SPOCK3: variants seen among roughly 807,000 people sequenced by gnomAD.
SPOCK3 encodes the protein SPARC (osteonectin), cwcv and kazal like domains proteoglycan 3, also known as testican-3.
A neutral mutation model predicts 56.6 loss-of-function variants in SPOCK3; 30 were observed. The ratio of observed to expected loss-of-function variants is 0.53; its 90% CI spans 0.40 to 0.72. The LOEUF (loss-of-function observed/expected upper bound fraction) is 0.72, where lower values mean the gene tolerates loss of function less well. SPOCK3 is among the 30% of genes least tolerant of loss of function. SPOCK3 has a pLI of 0.00. For synonymous variants in SPOCK3, 196 were observed against 183.3 expected (o/e 1.07, Z -0.56); for missense variants, 527 against 530.0 (o/e 0.99, Z 0.06).
In SPOCK3 at chr4:166,733,503, G is replaced by T. The variant is rs1733941907; in HGVS notation, c.*1418C>A. On this transcript the variant is annotated 3_prime_UTR_variant, in exon 11 of 11. Coordinates refer to ENST00000357545, the MANE Select transcript of SPOCK3 (RefSeq NM_001040159.2). ...GTATTGAGTGTGTATAAATTAAATGGAAATAATTAATCAATTTTGCTTTCA... is the reference window on the plus strand; with the variant it reads ...GTATTGAGTGTGTATAAATTAAATGTAAATAATTAATCAATTTTGCTTTCA... The T allele has an allele frequency of 6.6e-6, 1 of 151,766 alleles. No homozygotes were observed. Among genetic ancestry groups the T allele is most frequent in the African/African-American group, 2.4e-5 (1 of 41,402 alleles). 9.4% of individuals were successfully genotyped at this position (151,766 alleles called of 1,614,324 possible).
intron 8 of SPOCK3, among the ~76,000 whole-genome samples, chr4:166,753,319 C>G (rs780010228): frequency 1.3e-5 from 2 of 152,006 alleles, no homozygotes; most frequent in Non-Finnish European, 2.9e-5. Context: ...TAAATGCACA[C>G]TTGTCATTAA....
chr4:167,165,112 A>G (rs1439732055), intron 2 of SPOCK3, among the ~76,000 whole-genome samples: 2 of 152,134 alleles, frequency 1.3e-5, no homozygotes, highest in Admixed American at 1.3e-4. Context: ...TTGTTTTCTG[A>G]CTTTTTCCTA....
rs866018352 is a variant in SPOCK3 at position 166,752,192 on chromosome 4, T to G, written c.931+2316A>C. ...GGCATGTACCACCAATCCTGGCTAA[T>G]TTTTGTGTTTTTTGTAGAGACAGGA... On this transcript the variant is annotated intron_variant, in intron 8 of 10. Coordinates refer to ENST00000357545, the MANE Select transcript of SPOCK3 (RefSeq NM_001040159.2). Among the ~76,000 whole-genome samples, 50 of 152,002 alleles carry G rather than the reference T, an allele frequency of 3.3e-4. No individual in the cohort carries two copies. The Middle Eastern group carries it at 0.014, about 41-fold the overall frequency.
chr4:166,999,439 A>C (rs952658737), intron 4 of SPOCK3, among the ~76,000 whole-genome samples: 8 of 152,112 alleles, frequency 5.3e-5, no homozygotes, highest in Non-Finnish European at 1.2e-4. Context: ...TTCCAATGTT[A>C]TTATTCTTAT....
rs893399163 is a variant in SPOCK3, at chr4:166,851,108, C to A, written c.589+38022G>T. Among the ~76,000 whole-genome samples the A allele has an allele frequency of 6.6e-5, 10 of 152,154 alleles. 1 individual carries two copies. The East Asian group carries it at 1.2e-3, about 18-fold the overall frequency. ...AGAGAGCAGTGGTTCTCCCAGCACG[C>A]AGCTGGAGATCTGAGAACTGGCAGA... is the stretch of plus-strand genomic sequence containing the variant. On this transcript the variant is annotated intron_variant, in intron 6 of 10. Coordinates refer to ENST00000357545, the MANE Select transcript of SPOCK3 (RefSeq NM_001040159.2).
At chr4:167,074,399 T>G (rs1350678112) in intron 2 of SPOCK3, among the ~76,000 whole-genome samples, 1 of 151,896 alleles carries the variant, frequency 6.6e-6, no homozygotes, top group Non-Finnish European at 1.5e-5. Flanking sequence ...TCTGAAGTCT[T>G]GACCAATACT....
intron 2 of SPOCK3, among the ~76,000 whole-genome samples, chr4:167,143,304 T>A (rs755156171): frequency 6.6e-6 from 1 of 152,026 alleles, no homozygotes. Context: ...TCAGGTAACT[T>A]GTAAAGTGGA....
chr4:167,020,303 C>T (rs543942515), intron 3 of SPOCK3, among the ~76,000 whole-genome samples: 28 of 152,028 alleles, frequency 1.8e-4, no homozygotes, highest in Non-Finnish European at 3.2e-4. Flanking sequence ...GCCTATTTGG[C>T]CTCTAGGGGA....
chr4:166,957,868 G>C (rs187711102), intron 4 of SPOCK3, among the ~76,000 whole-genome samples: 2 of 152,112 alleles, frequency 1.3e-5, no homozygotes, highest in Non-Finnish European at 2.9e-5. Context: ...TATTTTACAG[G>C]CTCATAGGTG....
chr4:166,864,363 G>T (rs963954065), intron 6 of SPOCK3, among the ~76,000 whole-genome samples: 4 of 151,968 alleles, frequency 2.6e-5, no homozygotes, highest in African/African-American at 7.2e-5. Context: ...GGACATCACG[G>T]TTAAAAGAAC....
chr4:166,908,395 C>T (rs1736865067), intron 5 of SPOCK3, among the ~76,000 whole-genome samples: 1 of 149,520 alleles, frequency 6.7e-6, no homozygotes, highest in South Asian at 2.1e-4. Flanking sequence ...ATAAAAGTCA[C>T]ATGAGGAGTT....
intron 6 of SPOCK3, among the ~76,000 whole-genome samples, chr4:166,825,674 A>G (rs1308219896): frequency 2.6e-5 from 4 of 152,122 alleles, no homozygotes; most frequent in Admixed American, 1.3e-4. Context: ...TCAGGATGGA[A>G]TATACCATAA....
At chr4:166,858,642 T>C (rs1730924433) in intron 6 of SPOCK3, among the ~76,000 whole-genome samples, 1 of 152,058 alleles carries the variant, frequency 6.6e-6, no homozygotes. Flanking sequence ...ATATCAAGCA[T>C]AAAAATGTGA....
chr4:167,059,977 G>T (rs1043331448), intron 3 of SPOCK3, among the ~76,000 whole-genome samples: 2 of 148,326 alleles, frequency 1.3e-5, no homozygotes, highest in East Asian at 4.1e-4. Context: ...ACAGGAAGGG[G>T]AACATCTCAC....
chr4:166,835,965 C>T (rs1746570421), intron 6 of SPOCK3, among the ~76,000 whole-genome samples: 1 of 152,148 alleles, frequency 6.6e-6, no homozygotes, highest in Non-Finnish European at 1.5e-5. Context: ...AAGATCATGC[C>T]ATTGCACCCC....
chr4:166,803,424 A>G (rs1289051599), intron 6 of SPOCK3, among the ~76,000 whole-genome samples: 3 of 152,166 alleles, frequency 2.0e-5, no homozygotes, highest in Non-Finnish European at 4.4e-5. Context: ...GTAGTAATAC[A>G]TGATTCATTA....
At chr4:166,964,333 AC>A (rs1744471135) in intron 4 of SPOCK3, among the ~76,000 whole-genome samples, 1 of 151,844 alleles carries the variant, frequency 6.6e-6, no homozygotes. Context: ...GAGCAGATTA[AC>A]CTATGTTGCT....
chr4:166,888,621 TA>T, intron 6 of SPOCK3, among the ~76,000 whole-genome samples: 1 of 152,000 alleles, frequency 6.6e-6, no homozygotes, highest in East Asian at 1.9e-4. Context: ...AACAATGAAT[TA>T]AAGACTTCAT....
At chr4:167,022,587 T>G (rs538720255) in intron 3 of SPOCK3, among the ~76,000 whole-genome samples, 1 of 152,028 alleles carries the variant, frequency 6.6e-6, no homozygotes, top group Non-Finnish European at 1.5e-5. Flanking sequence ...GTGAAAAAGA[T>G]ACAATTGAAA....
Sources: allele counts gnomAD v4.1 joint callset (sites outside exome capture counted in the v4.1 genomes callset), GRCh38; gene constraint gnomAD v4.1.1; transcripts MANE v1.5; gene names NCBI Gene and HGNC (gene_info 2026-07-23, HGNC 2026-07-21).